HMGB1: variants seen among roughly 807,000 people sequenced by gnomAD.
HMGB1 encodes the protein high mobility group box 1, also known as high mobility group protein B1.
For missense variants in HMGB1, 79 were observed against 253.5 expected, an observed-to-expected ratio of 0.31 and a Z score of 4.67; for synonymous variants, 81 against 84.0, an observed-to-expected ratio of 0.96 and a Z score of 0.19.
At chr13:30,564,560 TAGA>T (rs1270453686) in intron 1 of HMGB1, among the ~76,000 whole-genome samples, 4 of 152,224 alleles carry the variant, frequency 2.6e-5, no homozygotes, top group African/African-American at 9.7e-5. Flanking sequence ...AAGTAAATTT[TAGA>T]AGGTTTATAA....
chr13:30,577,067 GCACAGGGGCT>G lies in HMGB1; in HGVS notation c.-15+39594_-15+39603del, dbSNP rs1421232709. On this transcript the variant is annotated intron_variant, in intron 1 of 4. Transcript: ENST00000405805. ...CCTTATAAGAAGAGACTAGAGCTGG[GCACAGGGGCT>G]CACACCTGTAATCCCAGTATTTTGG... 7.2e-5 allele frequency among the ~76,000 whole-genome samples: 11 copies of G among 152,244 alleles called. No homozygotes were observed. The South Asian group carries it at 2.1e-3, about 29-fold the overall frequency.
Position 30,458,759 on chromosome 13 carries a change from T to C in HMGB1, c.*2598A>G, listed in dbSNP as rs908725055. 2 of 152,248 alleles carry C rather than the reference T, an allele frequency of 1.3e-5. No homozygotes were observed. Among genetic ancestry groups the C allele is most frequent in the African/African-American group, 4.8e-5 (2 of 41,468 alleles). The allele number at this position is 152,248 out of a possible 1,614,324, so 9.4% of individuals were successfully genotyped here. ...GGGCGCTTTTCTTATCTTTATCATT[T>C]AATCATTACCCCTCGGGTACACAGG... On this transcript the variant is annotated 3_prime_UTR_variant, in exon 5 of 5. Coordinates refer to ENST00000341423, the MANE Select transcript of HMGB1 (RefSeq NM_002128.7).
intron 1 of HMGB1, among the ~76,000 whole-genome samples, chr13:30,531,509 CGT>C (rs376387192): frequency 0.16 from 21,222 of 135,412 alleles, 1,616 homozygotes; most frequent in Non-Finnish European, 0.19. Flanking sequence ...GTAACATATA[CGT>C]GTGTGTGTGT....
intron 1 of HMGB1, among the ~76,000 whole-genome samples, chr13:30,594,478 T>C (rs926027590): frequency 6.6e-6 from 1 of 152,184 alleles, no homozygotes; most frequent in South Asian, 2.1e-4. Flanking sequence ...GAGCATGCAG[T>C]ATTTAGTTTT....
intron 1 of HMGB1, among the ~76,000 whole-genome samples, chr13:30,489,411 T>C (rs563000209): frequency 6.6e-6 from 1 of 152,306 alleles, no homozygotes; most frequent in Non-Finnish European, 1.5e-5. Flanking sequence ...AACAAGAAGA[T>C]GCAGTTGTAC....
chr13:30,511,634 A>G, intron 1 of HMGB1, among the ~76,000 whole-genome samples: 1 of 152,180 alleles, frequency 6.6e-6, no homozygotes, highest in Non-Finnish European at 1.5e-5. Flanking sequence ...TCTCTCTGTG[A>G]AATGTCTATT....
intron 1 of HMGB1, chr13:30,540,494 T>A (rs1479026464): frequency 1.3e-5 from 2 of 156,670 alleles, no homozygotes; most frequent in African/African-American, 4.8e-5. Flanking sequence ...CAATGCTGTG[T>A]CATGAACCTG....
chr13:30,463,368 T>G lies in HMGB1; in HGVS notation c.151-16A>C, dbSNP rs777739337. 3.8e-6 allele frequency: 6 copies of G among 1,587,184 alleles called. No individual in the cohort carries two copies. Among genetic ancestry groups the G allele is most frequent in the Non-Finnish European group, 5.1e-6 (6 of 1,170,034 alleles). On this transcript the variant is annotated splice_polypyrimidine_tract_variant and intron_variant, in intron 2 of 4. Coordinates refer to ENST00000341423, the MANE Select transcript of HMGB1 (RefSeq NM_002128.7). Reference sequence around the variant, plus strand: ...CAGACATGGTCTACAAAATAATTATTTGTAAGTTTAAGTTGTAACATTTAA... The same window carrying G: ...CAGACATGGTCTACAAAATAATTATGTGTAAGTTTAAGTTGTAACATTTAA...
At chr13:30,505,456 G>GCT in intron 1 of HMGB1, among the ~76,000 whole-genome samples, 1 of 152,164 alleles carries the variant, frequency 6.6e-6, no homozygotes, top group East Asian at 1.9e-4. Flanking sequence ...GGGATTACAG[G>GCT]TGTAAGCCAC....
intron 1 of HMGB1, among the ~76,000 whole-genome samples, chr13:30,478,364 TA>T (rs892940345): frequency 6.6e-6 from 1 of 152,076 alleles, no homozygotes; most frequent in Non-Finnish European, 1.5e-5. Context: ...TATTTTTAAT[TA>T]AAAAAATTAT....
chr13:30,513,302 A>C (rs1288236734), intron 1 of HMGB1, among the ~76,000 whole-genome samples: 2 of 152,124 alleles, frequency 1.3e-5, no homozygotes, highest in Non-Finnish European at 2.9e-5. Context: ...TGGTCTGTAG[A>C]AGGTCTCTTC....
intron 1 of HMGB1, among the ~76,000 whole-genome samples, chr13:30,592,572 C>T (rs1293836120): frequency 6.6e-6 from 1 of 152,054 alleles, no homozygotes; most frequent in Non-Finnish European, 1.5e-5. Context: ...TTTGGGCACC[C>T]CAAGTTTAAT....
At chr13:30,537,058 A>G (rs1868473033) in intron 1 of HMGB1, among the ~76,000 whole-genome samples, 1 of 152,228 alleles carries the variant, frequency 6.6e-6, no homozygotes, top group Admixed American at 6.5e-5. Flanking sequence ...AAGGATGCAC[A>G]GGCAGAAAAT....
intron 4 of HMGB1, 21 bp from the exon 5 acceptor site, chr13:30,461,554 T>C (rs374418138): frequency 2.0e-4 from 309 of 1,576,440 alleles, no homozygotes; most frequent in Non-Finnish European, 2.5e-4. Flanking sequence ...AAAGGGAGGA[T>C]AAAACAGTAG....
rs1451164426 is a variant in HMGB1, at chr13:30,459,390, TAC to T, written c.*1965_*1966del. 2 of 152,206 alleles carry T rather than the reference TAC, an allele frequency of 1.3e-5. No individual in the cohort carries two copies. Among genetic ancestry groups the T allele is most frequent in the African/African-American group, 4.8e-5 (2 of 41,450 alleles). 9.4% of individuals were successfully genotyped at this position (152,206 alleles called of 1,614,324 possible). A position where few individuals can be genotyped will look rare whatever the true frequency, so the allele number is the denominator to read the frequency against. On this transcript the variant is annotated 3_prime_UTR_variant, in exon 5 of 5. Transcript: ENST00000341423. ...GTTGTCATGACGTACCTACTAAAGTTACAAATTCTCCTTGAGCCAGAATTCAT... is the reference window on the plus strand; with the variant it reads ...GTTGTCATGACGTACCTACTAAAGTTAAATTCTCCTTGAGCCAGAATTCAT...
At chr13:30,554,555 A>G in intron 1 of HMGB1, 1 of 783,496 alleles carries the variant, frequency 1.3e-6, no homozygotes, top group South Asian at 1.4e-5. Context: ...TTCTAAGGAA[A>G]ACTTAGCTCC....
In HMGB1 at chr13:30,591,181, C is replaced by T. The variant is rs138497535; in HGVS notation, c.-15+25490G>A. On this transcript the variant is annotated intron_variant, in intron 1 of 4. Coordinates refer to the HMGB1 transcript ENST00000405805. Reference sequence around the variant, plus strand: ...AAGTAGCTGGGATTACAGGTGTGCACCATCACACCCAGCTAATCTTTTGTA... The same window carrying T: ...AAGTAGCTGGGATTACAGGTGTGCATCATCACACCCAGCTAATCTTTTGTA... Among the ~76,000 whole-genome samples the T allele has an allele frequency of 4.4e-3, 674 of 151,910 alleles. 5 individuals are homozygous for T. The highest frequency in any genetic ancestry group is 0.016 in the African/African-American group (647 of 41,424).
At chr13:30,516,731 A>C (rs564242158) in intron 1 of HMGB1, among the ~76,000 whole-genome samples, 1 of 152,114 alleles carries the variant, frequency 6.6e-6, no homozygotes, top group Non-Finnish European at 1.5e-5. Context: ...CAGCCTGAGC[A>C]CCATAGTGAG....
At position 30,596,182 on chromosome 13, in the gene HMGB1, G is replaced by A. The variant is rs7985822; in HGVS notation, c.-15+20489C>T. Among the ~76,000 whole-genome samples, 1,481 of 152,096 alleles carry A rather than the reference G, an allele frequency of 9.7e-3. 28 individuals carry two copies. The highest frequency in any genetic ancestry group is 0.034 in the African/African-American group (1,408 of 41,450). ...GGCCAGTAATTGTAATACAAAATAC[G>A]GCACTCTGACAATATTCTCTCCCTT... On this transcript the variant is annotated intron_variant, in intron 1 of 4. Transcript: ENST00000405805.
Sources: gnomAD v4.1 joint callset for allele counts (sites outside exome capture counted in the v4.1 genomes callset) on GRCh38, gnomAD v4.1.1 for gene constraint, MANE v1.5 for transcripts, NCBI Gene and HGNC (gene_info 2026-07-23, HGNC 2026-07-21) for gene names.